The following PAK5 variants were observed in gnomAD, a reference collection of about 807,000 sequenced individuals.
PAK5 encodes the protein p21 (RAC1) activated kinase 5.
Under a neutral mutation model 65.9 loss-of-function variants are expected in PAK5, and 16 were observed. The ratio of observed to expected loss-of-function variants is 0.24; its 90% CI spans 0.16 to 0.37. PAK5 has a LOEUF of 0.37. Ranked by LOEUF, PAK5 falls within the 10% of genes least tolerant of loss-of-function variation. The probability of loss-of-function intolerance (pLI) is 1.00; values close to 1 mark genes in which losing one functional copy is unlikely to be tolerated. For missense variants in PAK5, 785 were observed against 903.9 expected (o/e 0.87, Z 1.69); for synonymous variants, 371 against 354.9 (o/e 1.05, Z -0.51).
intron 2 of PAK5, among the ~76,000 whole-genome samples, chr20:9,665,250 A>T (rs2123346759): frequency 6.6e-6 from 1 of 151,920 alleles, no homozygotes; most frequent in South Asian, 2.1e-4. Flanking sequence ...ACAACTGGAT[A>T]GTCACCATTG....
chr20:9,821,110 G>A (rs1430244692), intron 1 of PAK5, among the ~76,000 whole-genome samples: 7 of 152,126 alleles, frequency 4.6e-5, no homozygotes, highest in Non-Finnish European at 7.4e-5. Context: ...GGCCAGGTGC[G>A]ATGGCTTACA....
chr20:9,715,585 A>G (rs2048134482), intron 1 of PAK5, among the ~76,000 whole-genome samples: 1 of 152,096 alleles, frequency 6.6e-6, no homozygotes, highest in Non-Finnish European at 1.5e-5. Context: ...TGCTATAAAG[A>G]CACATGCACA....
At chr20:9,759,696 A>G (rs182465465) in intron 1 of PAK5, among the ~76,000 whole-genome samples, 1 of 152,262 alleles carries the variant, frequency 6.6e-6, no homozygotes, top group East Asian at 1.9e-4. Flanking sequence ...TCCTGGTCCC[A>G]TGCATGGGGC....
In PAK5 at chr20:9,702,256, G is replaced by A. The variant is rs570290058; in HGVS notation, c.-12+9030C>T. Among the ~76,000 whole-genome samples, 17 of 152,220 alleles carry A rather than the reference G, an allele frequency of 1.1e-4. No homozygotes were observed. The South Asian group carries it at 1.5e-3, about 13-fold the overall frequency. ...CCAAGCCTGAGAGTCAGTCCCTAGC[G>A]TGGAATCCCAGAAGACAGCCAATGT... On this transcript the variant is annotated intron_variant, in intron 2 of 9. Transcript: ENST00000353224.
chr20:9,684,492 A>G (rs1368134209), intron 2 of PAK5, among the ~76,000 whole-genome samples: 1 of 152,226 alleles, frequency 6.6e-6, no homozygotes, highest in South Asian at 2.1e-4. Context: ...ACGTGCAGAA[A>G]AAAGCTATTG....
At chr20:9,738,689 G>C (rs1032939965) in intron 1 of PAK5, among the ~76,000 whole-genome samples, 1 of 152,170 alleles carries the variant, frequency 6.6e-6, no homozygotes, top group African/African-American at 2.4e-5. Context: ...AGGCATGAGA[G>C]AAATTTTAAA....
At chr20:9,830,172 C>T (rs1978596948) in intron 1 of PAK5, among the ~76,000 whole-genome samples, 1 of 152,168 alleles carries the variant, frequency 6.6e-6, no homozygotes, top group Non-Finnish European at 1.5e-5. Context: ...ATACAGTGAC[C>T]AGGACAGGGA....
chr20:9,618,839 AGGACT>A (rs1292822511), intron 3 of PAK5, among the ~76,000 whole-genome samples: 1 of 148,460 alleles, frequency 6.7e-6, no homozygotes, highest in Non-Finnish European at 1.5e-5. Context: ...CATATGTTTC[AGGACT>A]GGAGGTTTTA....
chr20:9,573,419 G>A (rs994950541), intron 4 of PAK5, among the ~76,000 whole-genome samples: 2 of 152,104 alleles, frequency 1.3e-5, no homozygotes, highest in African/African-American at 4.8e-5. Context: ...CCAGAGCTAC[G>A]CTGGGGTGGA....
At chr20:9,612,192 C>T (rs1171704852) in intron 3 of PAK5, among the ~76,000 whole-genome samples, 1 of 152,192 alleles carries the variant, frequency 6.6e-6, no homozygotes, top group Non-Finnish European at 1.5e-5. Flanking sequence ...GGCCGCCCTG[C>T]CCTCAGCTCC....
chr20:9,620,350 G>A (rs538841199), intron 3 of PAK5, among the ~76,000 whole-genome samples: 2 of 152,226 alleles, frequency 1.3e-5, no homozygotes, highest in South Asian at 4.1e-4. Context: ...TTGAATTCAG[G>A]TCTCTTCAGA....
intron 2 of PAK5, among the ~76,000 whole-genome samples, chr20:9,675,700 C>A (rs567153816): frequency 6.6e-6 from 1 of 152,104 alleles, no homozygotes; most frequent in Non-Finnish European, 1.5e-5. Context: ...TTACATTATT[C>A]AGTTCACATT....
chr20:9,767,354 C>G (rs1233218637), intron 1 of PAK5, among the ~76,000 whole-genome samples: 1 of 152,136 alleles, frequency 6.6e-6, no homozygotes, highest in Admixed American at 6.5e-5. Flanking sequence ...TAAATCAGGT[C>G]CGCTAAGGTC....
chr20:9,730,311 T>C (rs2123551459), intron 1 of PAK5, among the ~76,000 whole-genome samples: 1 of 152,288 alleles, frequency 6.6e-6, no homozygotes. Flanking sequence ...TTATATTTAC[T>C]ATTTTTAAAC....
intron 1 of PAK5, among the ~76,000 whole-genome samples, chr20:9,715,278 A>G (rs1316002569): frequency 6.6e-6 from 1 of 152,190 alleles, no homozygotes; most frequent in African/African-American, 2.4e-5. Context: ...TTATGCAGCC[A>G]ACAGACACAT....
intron 3 of PAK5, among the ~76,000 whole-genome samples, chr20:9,625,545 A>G (rs186101949): frequency 6.6e-6 from 1 of 152,268 alleles, no homozygotes; most frequent in Admixed American, 6.5e-5. Context: ...TTTCACAATG[A>G]TTTTTATTTG....
rs548819799 is a variant in PAK5 at position 9,647,540 on chromosome 20, T to C, written c.-11-3201A>G. ...TTATTATTCCCTCTCTCATTGTGAA[T>C]TTCCCAGTGGTTGCTATGCCACTCA... On this transcript the variant is annotated intron_variant, in intron 2 of 9. Coordinates refer to ENST00000353224, the MANE Select transcript of PAK5 (RefSeq NM_177990.4). Among the ~76,000 whole-genome samples, 20 of 152,352 alleles carry C rather than the reference T, an allele frequency of 1.3e-4. No homozygotes were observed. In the South Asian group the frequency reaches 3.9e-3, roughly 30 times the overall value.
chr20:9,765,442 CA>C (rs2048746060), intron 1 of PAK5, among the ~76,000 whole-genome samples: 2 of 151,980 alleles, frequency 1.3e-5, no homozygotes, highest in African/African-American at 4.8e-5. Context: ...CCCTAGCCTC[CA>C]TTTTTTTTTT....
At chr20:9,749,333 T>A (rs182639152) in intron 1 of PAK5, among the ~76,000 whole-genome samples, 2 of 152,234 alleles carry the variant, frequency 1.3e-5, no homozygotes, top group Admixed American at 6.5e-5. Context: ...TAAAATAATA[T>A]AGAGACAGAA....
Sources: allele counts gnomAD v4.1 joint callset (sites outside exome capture counted in the v4.1 genomes callset), GRCh38; gene constraint gnomAD v4.1.1; transcripts MANE v1.5; gene names NCBI Gene and HGNC (gene_info 2026-07-23, HGNC 2026-07-21).